MAB21L3: variants seen among roughly 807,000 people sequenced by gnomAD.
MAB21L3 encodes protein mab-21-like 3.
MAB21L3 carries 36 observed loss-of-function variants against 37.7 expected under a neutral mutation model. That is an observed-to-expected ratio of 0.96 (90% confidence interval 0.73 to 1.26). The LOEUF is 1.26. Among genes scored for constraint, MAB21L3 ranks in the 50% most tolerant of loss-of-function variants. The probability of loss-of-function intolerance (pLI) is 0.00; values close to 1 mark genes in which losing one functional copy is unlikely to be tolerated. For synonymous variants in MAB21L3, 186 were observed against 176.8 expected, an observed-to-expected ratio of 1.05 and a Z score of -0.41; for missense variants, 430 against 447.3, an observed-to-expected ratio of 0.96 and a Z score of 0.35.
chr1:116,118,290 G>C (rs1659648722), intron 3 of MAB21L3, among the ~76,000 whole-genome samples: 1 of 151,782 alleles, frequency 6.6e-6, no homozygotes, highest in African/African-American at 2.4e-5. Flanking sequence ...GCTGAGGCAG[G>C]ACAATCACTT....
chr1:116,125,675 G>C (rs1456333724), intron 5 of MAB21L3, among the ~76,000 whole-genome samples: 2 of 145,416 alleles, frequency 1.4e-5, no homozygotes, highest in African/African-American at 2.9e-5. Context: ...AATGGTAATA[G>C]TTTATGTTTA....
In MAB21L3 at chr1:116,134,047, G is replaced by C. The variant is rs983760; in HGVS notation, c.*682G>C. The C allele has an allele frequency of 0.39, 59,543 of 152,848 alleles. 16,399 individuals carry two copies. The highest frequency in any genetic ancestry group is 0.79 in the African/African-American group (32,695 of 41,464). 9.5% of individuals were successfully genotyped at this position (152,848 alleles called of 1,614,324 possible). On this transcript the variant is annotated 3_prime_UTR_variant, in exon 8 of 8. Transcript: ENST00000369500. ...TGGCTCCTGATGTTCTGTCTGCTTC[G>C]CTGGTATTCTCTAAGCAGGGAGGGG...
At chr1:116,122,750 G>T (rs964573432) in intron 4 of MAB21L3, among the ~76,000 whole-genome samples, 1 of 152,040 alleles carries the variant, frequency 6.6e-6, no homozygotes, top group Non-Finnish European at 1.5e-5. Flanking sequence ...TTTATTTTTT[G>T]TAGAGATGGA....
chr1:116,117,465 G>A (rs531807197), intron 3 of MAB21L3, among the ~76,000 whole-genome samples: 1 of 152,168 alleles, frequency 6.6e-6, no homozygotes, highest in South Asian at 2.1e-4. Context: ...CCGGCTGGAA[G>A]ATATAGCCCA....
chr1:116,119,789 A>G (rs1659691434), intron 3 of MAB21L3, among the ~76,000 whole-genome samples: 1 of 152,134 alleles, frequency 6.6e-6, no homozygotes, highest in Non-Finnish European at 1.5e-5. Context: ...GAGTTTACTA[A>G]AAGTTCCTTT....
Position 116,135,371 on chromosome 1 carries a change from A to T in MAB21L3, c.*2006A>T, listed in dbSNP as rs1309475360. On this transcript the variant is annotated 3_prime_UTR_variant, in exon 8 of 8. Coordinates refer to ENST00000369500, the MANE Select transcript of MAB21L3 (RefSeq NM_152367.3). ...ACTCCTCTACGCAAATAAACTAGAAAATCTAGAAGAAATGGATAAATTCCT... is the reference window on the plus strand; with the variant it reads ...ACTCCTCTACGCAAATAAACTAGAATATCTAGAAGAAATGGATAAATTCCT... The T allele has an allele frequency of 6.6e-6, 1 of 152,150 alleles. No individual in the cohort carries two copies. Among genetic ancestry groups the T allele is most frequent in the Non-Finnish European group, 1.5e-5 (1 of 68,032 alleles). 9.4% of individuals were successfully genotyped at this position (152,150 alleles called of 1,614,324 possible).
intron 5 of MAB21L3, among the ~76,000 whole-genome samples, chr1:116,124,904 C>T (rs576818834): frequency 6.6e-6 from 1 of 151,900 alleles, no homozygotes; most frequent in East Asian, 1.9e-4. Flanking sequence ...CACACACACA[C>T]ACTCCCTTTT....
intron 4 of MAB21L3, among the ~76,000 whole-genome samples, chr1:116,122,290 A>T (rs1012437658): frequency 6.6e-6 from 1 of 152,210 alleles, no homozygotes; most frequent in African/African-American, 2.4e-5. Context: ...CTGGAATGCT[A>T]GAATATCACT....
rs765443957 is a variant in MAB21L3, at chr1:116,112,662, A to C, written c.47A>C (p.Lys16Thr). 6.2e-7 allele frequency: 1 copy of C among 1,614,044 alleles called. No homozygotes were observed. The highest frequency in any genetic ancestry group is 2.2e-5 in the East Asian group (1 of 44,884). Reference sequence around the variant, plus strand: ...GACTTAGAAGATTGCCTACTGAATAAGGTAAGGACAGACCCGGTCTCTCCC... The same window carrying C: ...GACTTAGAAGATTGCCTACTGAATACGGTAAGGACAGACCCGGTCTCTCCC... ...VGDLEDCLLNKVDLRRQQISQ... is the reference protein window; with the variant it reads ...VGDLEDCLLNTVDLRRQQISQ... The change falls in exon 3 of 8, where the codon AAG becomes ACG. Residue 16 changes from lysine (K) to threonine (T), a missense_variant and splice_region_variant. Lys to Thr is a moderately conservative substitution (Grantham distance 78). Transcript: ENST00000369500.
rs1292523042 is a variant in MAB21L3 at position 116,138,004 on chromosome 1, G to A, written c.*4639G>A. On this transcript the variant is annotated 3_prime_UTR_variant, in exon 8 of 8. Coordinates refer to ENST00000369500, the MANE Select transcript of MAB21L3 (RefSeq NM_152367.3). ...GGGGGGAGGGGGGAGGGATAGCATT[G>A]GGAGATATACCTAATGCTAGATGAC... is the stretch of plus-strand genomic sequence containing the variant. 5.4e-5 allele frequency among the ~76,000 whole-genome samples: 8 copies of A among 148,150 alleles called. No individual in the cohort carries two copies. The highest frequency in any genetic ancestry group is 1.0e-4 in the Non-Finnish European group (7 of 67,142).
In MAB21L3 at chr1:116,112,580, G is replaced by C. The variant is rs183442011; in HGVS notation, c.-36G>C. 5.0e-5 allele frequency: 80 copies of C among 1,588,218 alleles called. No homozygotes were observed. In the African/African-American group the frequency reaches 1.0e-3, roughly 21 times the overall value. On this transcript the variant is annotated 5_prime_UTR_variant, in exon 3 of 8. Transcript: ENST00000369500. ...CCATTGAGAAAAAAAAAAAAACCAGGAAGTTGCTGTTCTACTGAGGACTGA... is the reference window on the plus strand; with the variant it reads ...CCATTGAGAAAAAAAAAAAAACCAGCAAGTTGCTGTTCTACTGAGGACTGA...
chr1:116,118,785 C>T (rs1284754496), intron 3 of MAB21L3, among the ~76,000 whole-genome samples: 1 of 152,148 alleles, frequency 6.6e-6, no homozygotes, highest in African/African-American at 2.4e-5. Flanking sequence ...ACTTTCATGC[C>T]CCCTTTTTCC....
In MAB21L3 at chr1:116,134,310, A is replaced by T. The variant is rs1660157459; in HGVS notation, c.*945A>T. On this transcript the variant is annotated 3_prime_UTR_variant, in exon 8 of 8. Coordinates refer to ENST00000369500, the MANE Select transcript of MAB21L3 (RefSeq NM_152367.3). ...CACTCATTGACAAATAATGCTCATT[A>T]GGCACCGGGAACACAGCAAAGAGCA... The T allele has an allele frequency of 6.6e-6, 1 of 152,278 alleles. No individual in the cohort carries two copies. The highest frequency in any genetic ancestry group is 1.5e-5 in the Non-Finnish European group (1 of 68,078). The allele number at this position is 152,278 out of a possible 1,614,324, so 9.4% of individuals were successfully genotyped here.
intron 7 of MAB21L3, among the ~76,000 whole-genome samples, chr1:116,130,999 A>G (rs949720378): frequency 6.6e-6 from 1 of 152,210 alleles, no homozygotes; most frequent in African/African-American, 2.4e-5. Context: ...AAATAACCCA[A>G]TATCTAAACC....
At chr1:116,121,858 C>A (rs928931694) in intron 4 of MAB21L3, among the ~76,000 whole-genome samples, 1 of 152,136 alleles carries the variant, frequency 6.6e-6, no homozygotes, top group Non-Finnish European at 1.5e-5. Context: ...TGTTCATTTC[C>A]ATTTTAGAGG....
chr1:116,111,745 C>T lies in MAB21L3; in HGVS notation c.-275C>T, dbSNP rs1218339995. On this transcript the variant is annotated 5_prime_UTR_variant, in exon 2 of 8. Coordinates refer to ENST00000369500, the MANE Select transcript of MAB21L3 (RefSeq NM_152367.3). ...CCTCGACTCTAAAGGGACCTGTTTACACTGACTTTATTTTTACTGCCAGCT... is the reference window on the plus strand; with the variant it reads ...CCTCGACTCTAAAGGGACCTGTTTATACTGACTTTATTTTTACTGCCAGCT... 20 of 152,070 alleles carry T rather than the reference C, an allele frequency of 1.3e-4. No individual in the cohort carries two copies. Among genetic ancestry groups the T allele is most frequent in the Non-Finnish European group, 1.5e-5 (1 of 68,032 alleles). 9.4% of individuals were successfully genotyped at this position (152,070 alleles called of 1,614,324 possible). A position where few individuals can be genotyped will look rare whatever the true frequency, so the allele number is the denominator to read the frequency against.
At chr1:116,118,463 G>A (rs1481769353) in intron 3 of MAB21L3, among the ~76,000 whole-genome samples, 1 of 151,798 alleles carries the variant, frequency 6.6e-6, no homozygotes. Context: ...CACATTTAAT[G>A]TGCACCTCTT....
At chr1:116,116,050 T>C (rs547913058) in intron 3 of MAB21L3, among the ~76,000 whole-genome samples, 47 of 152,318 alleles carry the variant, frequency 3.1e-4, no homozygotes, top group African/African-American at 1.1e-3. Flanking sequence ...GCAATGGGTG[T>C]CTACTTGTGT....
At chr1:116,130,087 A>G (rs1014128993) in intron 7 of MAB21L3, among the ~76,000 whole-genome samples, 1 of 152,256 alleles carries the variant, frequency 6.6e-6, no homozygotes, top group Admixed American at 6.5e-5. Flanking sequence ...ACTCAAGTCT[A>G]TCTCATATCA....
Sources: allele counts gnomAD v4.1 joint callset (sites outside exome capture counted in the v4.1 genomes callset), GRCh38; gene constraint gnomAD v4.1.1; transcripts MANE v1.5; gene names NCBI Gene and HGNC (gene_info 2026-07-23, HGNC 2026-07-21).